Variants in FAM13C observed in about 807,000 individuals in gnomAD.
FAM13C encodes the protein family with sequence similarity 13 member C, also known as protein FAM13C.
Under a neutral mutation model 73.2 loss-of-function variants are expected in FAM13C, and 37 were observed. The observed-to-expected ratio is 0.51, with a 90% CI of 0.39 to 0.67. The LOEUF (loss-of-function observed/expected upper bound fraction) is 0.67. Among genes scored for constraint, FAM13C ranks in the 30% least tolerant of loss-of-function variants. The probability of loss-of-function intolerance (pLI) is 0.00; values close to 1 mark genes in which losing one functional copy is unlikely to be tolerated. For synonymous variants in FAM13C, 246 were observed against 260.9 expected (o/e 0.94, Z 0.55); for missense variants, 589 against 715.6 (o/e 0.82, Z 2.02).
rs1196794796 is a variant in FAM13C, at chr10:59,264,103, C to T, written c.1006G>A (p.Gly336Ser). 6.2e-7 allele frequency: 1 copy of T among 1,609,414 alleles called. No individual in the cohort carries two copies. The change falls in exon 9 of 14, where the codon GGT becomes AGT. Residue 336 changes from glycine to serine, a missense_variant. Coordinates refer to ENST00000618804, the MANE Select transcript of FAM13C (RefSeq NM_198215.4). ...VLKWMNDLAK[G>S]RKQLKELKLK... ...GATTTACCTTTGAGCTGTTTACGACCTTTAGCCAAATCATTCATCCATTTC... is the reference window on the plus strand; with the variant it reads ...GATTTACCTTTGAGCTGTTTACGACTTTTAGCCAAATCATTCATCCATTTC...
In FAM13C at chr10:59,247,571, A is replaced by G; in HGVS notation, c.*43T>C. ...AGGATGGCAGAGGAAAATAAACTTT[A>G]CTTTATATCATGGGTGAAAGTGATC... is the stretch of plus-strand genomic sequence containing the variant. On this transcript the variant is annotated 3_prime_UTR_variant, in exon 14 of 14. Transcript: ENST00000618804. The G allele has an allele frequency of 1.2e-6, 2 of 1,611,266 alleles. No individual in the cohort carries two copies. Among genetic ancestry groups the G allele is most frequent in the Non-Finnish European group, 1.7e-6 (2 of 1,178,892 alleles).
intron 3 of FAM13C, among the ~76,000 whole-genome samples, chr10:59,349,320 C>T (rs183954378): frequency 3.3e-5 from 5 of 152,312 alleles, no homozygotes; most frequent in Admixed American, 2.6e-4. Context: ...AAGGACCAGA[C>T]ACTTTAAACA....
intron 3 of FAM13C, among the ~76,000 whole-genome samples, chr10:59,343,338 A>G (rs749819081): frequency 1.9e-4 from 29 of 152,344 alleles, no homozygotes; most frequent in Middle Eastern, 3.4e-3. Flanking sequence ...TAACCTAATT[A>G]ATATTCTTTT....
At position 59,291,302 on chromosome 10, in the gene FAM13C, A is replaced by G. The variant is rs187149045; in HGVS notation, c.508-7855T>C. Among the ~76,000 whole-genome samples, 318 of 152,318 alleles carry G rather than the reference A, an allele frequency of 2.1e-3. 1 individual carries two copies. The highest frequency in any genetic ancestry group is 4.1e-3 in the Non-Finnish European group (279 of 68,028). On this transcript the variant is annotated intron_variant, in intron 5 of 13. Coordinates refer to ENST00000618804, the MANE Select transcript of FAM13C (RefSeq NM_198215.4). The stretch of plus-strand genomic sequence containing the variant: ...TTGCCAACACAGTGGGACTTCTCCC[A>G]ATGTCGACCATTACAAGAAAAAGCC...
intron 1 of FAM13C, among the ~76,000 whole-genome samples, chr10:59,356,702 T>G (rs1398134428): frequency 6.6e-6 from 1 of 152,214 alleles, no homozygotes; most frequent in East Asian, 1.9e-4. Context: ...AGTCATGTGC[T>G]ATGATGGTTA....
intron 5 of FAM13C, among the ~76,000 whole-genome samples, chr10:59,285,081 G>C (rs947271245): frequency 3.9e-5 from 6 of 152,166 alleles, no homozygotes; most frequent in African/African-American, 1.2e-4. Context: ...AAAATCTGTT[G>C]TCTCTTCACC....
intron 4 of FAM13C, among the ~76,000 whole-genome samples, chr10:59,320,993 G>A (rs1850163964): frequency 6.6e-6 from 1 of 152,150 alleles, no homozygotes; most frequent in Admixed American, 6.5e-5. Context: ...AATATTTTCT[G>A]GGGTTATATG....
chr10:59,309,559 C>T (rs1848686274), intron 4 of FAM13C, among the ~76,000 whole-genome samples: 1 of 152,182 alleles, frequency 6.6e-6, no homozygotes, highest in South Asian at 2.1e-4. Flanking sequence ...TTCACATGTG[C>T]CTGTAATGCT....
intron 10 of FAM13C, among the ~76,000 whole-genome samples, chr10:59,257,681 A>G (rs1032119865): frequency 2.6e-5 from 4 of 152,210 alleles, no homozygotes; most frequent in Admixed American, 2.0e-4. Context: ...GACCATTTAA[A>G]TTAAACAATC....
intron 4 of FAM13C, among the ~76,000 whole-genome samples, chr10:59,308,544 CCACCACCACCAGCACCACCAACCACCAT>C (rs1376636779): frequency 2.0e-4 from 11 of 56,150 alleles, no homozygotes; most frequent in South Asian, 1.0e-3. Flanking sequence ...ATCACCCCCA[CCACCACCACCAGCACCACCAACCACCAT>C]CACCACCACC....
intron 8 of FAM13C, 41 bp from the exon 9 acceptor site, chr10:59,264,207 G>T: frequency 7.3e-7 from 1 of 1,373,916 alleles, no homozygotes; most frequent in South Asian, 1.2e-5. Flanking sequence ...AGGGAGGGAA[G>T]GAGGGAGAGG....
intron 5 of FAM13C, among the ~76,000 whole-genome samples, chr10:59,284,522 A>C (rs1845321418): frequency 6.8e-6 from 1 of 146,946 alleles, no homozygotes. Flanking sequence ...CCTTTCCCCC[A>C]CACAGTGTCA....
At chr10:59,335,830 G>A (rs183325935) in intron 3 of FAM13C, among the ~76,000 whole-genome samples, 167 of 152,270 alleles carry the variant, frequency 1.1e-3, no homozygotes, top group Non-Finnish European at 2.0e-3. Flanking sequence ...CTCATTCTCC[G>A]TAATCTCACA....
At chr10:59,324,521 CA>C (rs1850824706) in intron 3 of FAM13C, among the ~76,000 whole-genome samples, 2 of 152,022 alleles carry the variant, frequency 1.3e-5, no homozygotes, top group East Asian at 3.8e-4. Flanking sequence ...CACACACACA[CA>C]CACACCCCAC....
rs370898940 is a variant in FAM13C, at chr10:59,268,656, C to T, written c.839G>A (p.Gly280Asp). Residue 280 changes from glycine to aspartate, a missense_variant, in exon 8 of 14, where the codon GGC becomes GAC. Gly to Asp is a moderately conservative substitution (Grantham distance 94). Transcript: ENST00000618804. ...CTGGGTGATGGTCTGTGGCTCCTTG[C>T]CATCTCCACAGCTGCAGCGTGAAGA... The part of the protein sequence containing the change: ...RSSSRCSCGD[G>D]KEPQTITQLT... 289 of 1,613,170 alleles carry T rather than the reference C, an allele frequency of 1.8e-4. No homozygotes were observed. Among genetic ancestry groups the T allele is most frequent in the Admixed American group, 2.8e-4 (17 of 59,986 alleles).
chr10:59,355,881 T>A lies in FAM13C; in HGVS notation c.119+6A>T, dbSNP rs1564630223. ...CAAATATGAACCAAGCAATGGTGGC[T>A]TTTACCTGAGACTGGAGCAATCAGT... On this transcript the variant is annotated splice_donor_region_variant and intron_variant, in intron 2 of 13. Transcript: ENST00000618804. 2 of 1,613,806 alleles carry A rather than the reference T, an allele frequency of 1.2e-6. No individual in the cohort carries two copies. Among genetic ancestry groups the A allele is most frequent in the Non-Finnish European group, 1.7e-6 (2 of 1,179,740 alleles).
intron 3 of FAM13C, among the ~76,000 whole-genome samples, chr10:59,330,502 C>T (rs1302188974): frequency 1.3e-5 from 2 of 152,260 alleles, no homozygotes; most frequent in African/African-American, 2.4e-5. Context: ...TTTTTCTCCT[C>T]TCTAGCATGT....
At chr10:59,362,568 C>A (rs1747664936), upstream of FAM13C, 2 of 1,547,728 alleles carry the variant, frequency 1.3e-6, no homozygotes, top group South Asian at 2.4e-5. Flanking sequence ...CCGGCACGCT[C>A]GCTCTACCTT....
chr10:59,306,625 T>C (rs1211652888), intron 4 of FAM13C, among the ~76,000 whole-genome samples: 1 of 152,206 alleles, frequency 6.6e-6, no homozygotes, highest in Non-Finnish European at 1.5e-5. Flanking sequence ...CCTGCAATCC[T>C]AGCATTTAGG....
Sources: gnomAD v4.1 joint callset for allele counts (sites outside exome capture counted in the v4.1 genomes callset) on GRCh38, gnomAD v4.1.1 for gene constraint, MANE v1.5 for transcripts, NCBI Gene and HGNC (gene_info 2026-07-23, HGNC 2026-07-21) for gene names.